Variants in FRMD6 observed in about 807,000 individuals in gnomAD.
FRMD6 encodes the protein FERM domain-containing protein 6.
A neutral mutation model predicts 73.2 loss-of-function variants in FRMD6; 37 were observed. The observed-to-expected ratio is 0.51, with a 90% CI of 0.39 to 0.66. The LOEUF (loss-of-function observed/expected upper bound fraction) is 0.66. Among genes scored for constraint, FRMD6 ranks in the 30% least tolerant of loss-of-function variants. FRMD6 has a pLI of 0.00. For synonymous variants in FRMD6, 273 were observed against 282.2 expected (o/e 0.97, Z 0.33); for missense variants, 714 against 780.5 (o/e 0.91, Z 1.02).
chr14:51,487,119 C>G (rs538442032), upstream of FRMD6, among the ~76,000 whole-genome samples: 56 of 152,180 alleles, frequency 3.7e-4, no homozygotes, highest in African/African-American at 1.3e-3. Flanking sequence ...CCAATGAATG[C>G]TCAAGTTGAA....
intron 1 of FRMD6, among the ~76,000 whole-genome samples, chr14:51,507,637 C>G (rs1160508486): frequency 6.6e-6 from 1 of 152,158 alleles, no homozygotes; most frequent in Non-Finnish European, 1.5e-5. Flanking sequence ...CGGAGGACCT[C>G]CTCCTCTTTC....
chr14:51,697,966 A>G (rs1461941067), intron 2 of FRMD6, 176 bp from the exon 3 acceptor site: 1 of 532,776 alleles, frequency 1.9e-6, no homozygotes, highest in Admixed American at 3.3e-5. Flanking sequence ...TACTGTGATC[A>G]TCATTACTGA....
chr14:51,572,258 C>T (rs747880131), intron 2 of FRMD6, among the ~76,000 whole-genome samples: 1 of 152,212 alleles, frequency 6.6e-6, no homozygotes, highest in African/African-American at 2.4e-5. Context: ...TGCAGAAGAT[C>T]AAAGGACCAG....
rs1446943394 is a variant in FRMD6 at position 51,623,620 on chromosome 14, C to T, written c.-147+53210C>T. Reference sequence around the variant, plus strand: ...GCTCCTCATCATCCTTCAAAGTTTTCCCAGATATCACAGTTTCCTGGAAGA... The same window carrying T: ...GCTCCTCATCATCCTTCAAAGTTTTTCCAGATATCACAGTTTCCTGGAAGA... On this transcript the variant is annotated intron_variant, in intron 2 of 14. Coordinates refer to the FRMD6 transcript ENST00000356218. Among the ~76,000 whole-genome samples, 3 of 152,314 alleles carry T rather than the reference C, an allele frequency of 2.0e-5. No homozygotes were observed. The East Asian group carries it at 5.8e-4, about 29-fold the overall frequency.
intron 10 of FRMD6, 149 bp from the exon 11 acceptor site, chr14:51,719,906 T>C (rs1305754570): frequency 7.9e-6 from 5 of 631,002 alleles, no homozygotes; most frequent in Middle Eastern, 2.8e-4. Flanking sequence ...TTCAGTCTTC[T>C]GAAGTCAAAT....
intron 1 of FRMD6, among the ~76,000 whole-genome samples, chr14:51,677,835 C>T (rs908359798): frequency 6.6e-6 from 1 of 152,072 alleles, no homozygotes; most frequent in Non-Finnish European, 1.5e-5. Context: ...GACTTGTGAA[C>T]TCTCCAGTCA....
intron 2 of FRMD6, chr14:51,637,502 T>C (rs1000667): frequency 0.47 from 50,762 of 108,978 alleles, 9,899 homozygotes; most frequent in Admixed American, 0.54. Flanking sequence ...CACACACACA[T>C]ATATTTGGAA....
chr14:51,628,488 G>A (rs1340405401), intron 2 of FRMD6, among the ~76,000 whole-genome samples: 4 of 151,914 alleles, frequency 2.6e-5, no homozygotes, highest in South Asian at 2.1e-4. Flanking sequence ...AACCATTAAT[G>A]TACTTTCTGT....
the FRMD6 span, among the ~76,000 whole-genome samples, chr14:51,448,192 T>A: frequency 7.9e-5 from 12 of 152,264 alleles, no homozygotes; most frequent in African/African-American, 2.9e-4. Flanking sequence ...GAATATTATT[T>A]CTTGATCATT....
chr14:51,551,155 C>T (rs1301071194), intron 1 of FRMD6, among the ~76,000 whole-genome samples: 2 of 152,152 alleles, frequency 1.3e-5, no homozygotes, highest in Non-Finnish European at 2.9e-5. Flanking sequence ...GGATCTCCCA[C>T]TACTAAGTAA....
intron 2 of FRMD6, among the ~76,000 whole-genome samples, chr14:51,573,830 A>T (rs937372233): frequency 3.9e-5 from 6 of 152,204 alleles, no homozygotes; most frequent in African/African-American, 1.4e-4. Context: ...ATCACCGTGT[A>T]TCAGTCAGAC....
intron 2 of FRMD6, among the ~76,000 whole-genome samples, chr14:51,581,464 T>G (rs1888720034): frequency 1.3e-5 from 2 of 152,222 alleles, no homozygotes; most frequent in South Asian, 4.1e-4. Context: ...ATTCTCCTCT[T>G]TCTTCCCAAG....
intron 1 of FRMD6, among the ~76,000 whole-genome samples, chr14:51,514,999 A>T (rs1240339447): frequency 6.6e-6 from 1 of 152,200 alleles, no homozygotes; most frequent in Non-Finnish European, 1.5e-5. Context: ...GAGTTTTCAC[A>T]TACATCCCAA....
At chr14:51,694,690 A>G (rs1895824885) in intron 2 of FRMD6, among the ~76,000 whole-genome samples, 1 of 152,216 alleles carries the variant, frequency 6.6e-6, no homozygotes, top group Non-Finnish European at 1.5e-5. Context: ...ACCTTGTCTC[A>G]AGGGAAAAAA....
the FRMD6 span, among the ~76,000 whole-genome samples, chr14:51,433,950 C>T: frequency 6.6e-6 from 1 of 152,168 alleles, no homozygotes; most frequent in African/African-American, 2.4e-5. Context: ...GAACTGTACG[C>T]AAATATCTTA....
the FRMD6 span, among the ~76,000 whole-genome samples, chr14:51,479,676 T>C: frequency 6.6e-6 from 1 of 152,192 alleles, no homozygotes; most frequent in Non-Finnish European, 1.5e-5. Flanking sequence ...AATTATTAAC[T>C]TTTAATAGGA....
At chr14:51,404,054 G>T in the FRMD6 span, among the ~76,000 whole-genome samples, 6 of 152,136 alleles carry the variant, frequency 3.9e-5, no homozygotes, top group African/African-American at 1.4e-4. Context: ...TGTACCACAT[G>T]TACATGTTAT....
intron 2 of FRMD6, among the ~76,000 whole-genome samples, chr14:51,644,353 TCACACACACACACACACACACA>T (rs375341468): frequency 1.4e-5 from 2 of 142,072 alleles, no homozygotes; most frequent in African/African-American, 5.3e-5. Context: ...GCCTCACCCT[TCACACACACACACACACACACA>T]CACACACACA....
At chr14:51,700,938 T>C in intron 3 of FRMD6, 118 bp from the exon 4 acceptor site, 3 of 477,518 alleles carry the variant, frequency 6.3e-6, no homozygotes, top group East Asian at 6.7e-5. Context: ...TTCTAGTATG[T>C]GCATTCAGAC....
Sources: allele counts gnomAD v4.1 joint callset (sites outside exome capture counted in the v4.1 genomes callset), GRCh38; gene constraint gnomAD v4.1.1; transcripts MANE v1.5; gene names NCBI Gene and HGNC (gene_info 2026-07-23, HGNC 2026-07-21).